Variants in CCL28 observed in about 807,000 individuals in gnomAD.
CCL28 encodes C-C motif chemokine 28.
A neutral mutation model predicts 7.1 loss-of-function variants in CCL28; 4 were observed. That is an observed-to-expected ratio of 0.56 (90% CI 0.28 to 1.29). CCL28 has a LOEUF of 1.29. Ranked by LOEUF, CCL28 falls within the 50% of genes most tolerant of loss-of-function variation. The pLI is 0.11. For synonymous variants in CCL28, 55 were observed against 57.8 expected (o/e 0.95, Z 0.22); for missense variants, 151 against 163.4 (o/e 0.92, Z 0.41).
the CCL28 span, among the ~76,000 whole-genome samples, chr5:43,357,007 G>T: frequency 6.6e-6 from 1 of 152,300 alleles, no homozygotes; most frequent in East Asian, 1.9e-4. Context: ...GCTCACCTCT[G>T]CAGGTTAGCT....
chr5:43,410,568 G>A (rs1338480084), intron 1 of CCL28, among the ~76,000 whole-genome samples: 1 of 152,074 alleles, frequency 6.6e-6, no homozygotes, highest in Admixed American at 6.6e-5. Context: ...GTCTCTACCA[G>A]GACTCAGTCC....
the CCL28 span, among the ~76,000 whole-genome samples, chr5:43,368,430 C>A: frequency 6.6e-6 from 1 of 152,162 alleles, no homozygotes; most frequent in Non-Finnish European, 1.5e-5. Context: ...GTTGGATGGT[C>A]ATGTGGCCAT....
chr5:43,406,941 G>T (rs1741305870), intron 1 of CCL28, among the ~76,000 whole-genome samples: 1 of 152,202 alleles, frequency 6.6e-6, no homozygotes, highest in African/African-American at 2.4e-5. Flanking sequence ...CAAGGGATGT[G>T]AAGGACCTCT....
Position 43,381,731 on chromosome 5 carries a change from A to AT in CCL28, c.*128dup. On this transcript the variant is annotated 3_prime_UTR_variant, in exon 3 of 3. Transcript: ENST00000361115. ...ACATTTGCATACCGCACAATTGTTC[A>AT]TTTTTTAAAAACCAATATTTTGTTT... is the stretch of plus-strand genomic sequence containing the variant. 1 of 789,162 alleles carries AT rather than the reference A, an allele frequency of 1.3e-6. No individual in the cohort carries two copies. Among genetic ancestry groups the AT allele is most frequent in the Non-Finnish European group, 2.1e-6 (1 of 483,150 alleles). 48.9% of individuals were successfully genotyped at this position (789,162 alleles called of 1,614,324 possible).
At chr5:43,388,201 G>T in intron 2 of CCL28, 149 bp downstream of exon 2, 3 of 921,240 alleles carry the variant, frequency 3.3e-6, no homozygotes, top group Non-Finnish European at 4.8e-6. Flanking sequence ...GGAGCCTGGG[G>T]CCTAATGGAC....
chr5:43,403,075 C>T (rs1311573634), intron 1 of CCL28, among the ~76,000 whole-genome samples: 3 of 152,222 alleles, frequency 2.0e-5, no homozygotes, highest in African/African-American at 4.8e-5. Flanking sequence ...GTAGACTCCA[C>T]CTCTGGGAAC....
intron 2 of CCL28, among the ~76,000 whole-genome samples, chr5:43,384,631 G>C (rs1740261203): frequency 6.6e-6 from 1 of 151,690 alleles, no homozygotes; most frequent in East Asian, 1.9e-4. Flanking sequence ...GAAATCCTGA[G>C]GCCAATCCCC....
intron 1 of CCL28, 24 bp from the exon 2 acceptor site, chr5:43,388,500 T>C: frequency 1.9e-6 from 3 of 1,610,482 alleles, no homozygotes; most frequent in Non-Finnish European, 1.7e-6. Flanking sequence ...AGAAAGAAAA[T>C]GTTAAATTTT....
chr5:43,380,334 T>G lies in CCL28; in HGVS notation c.*1526A>C, dbSNP rs1740058528. The G allele has an allele frequency of 6.6e-6, 1 of 152,182 alleles. No homozygotes were observed. The highest frequency in any genetic ancestry group is 2.4e-5 in the African/African-American group (1 of 41,450). 9.4% of individuals were successfully genotyped at this position (152,182 alleles called of 1,614,324 possible). A position where few individuals can be genotyped will look rare whatever the true frequency, so the allele number is the denominator to read the frequency against. Reference sequence around the variant, plus strand: ...TTGTTCTTTTCAGTATCAGAAAATTTCAATCCAAACAACGGTAGCTACTCA... The same window carrying G: ...TTGTTCTTTTCAGTATCAGAAAATTGCAATCCAAACAACGGTAGCTACTCA... On this transcript the variant is annotated 3_prime_UTR_variant, in exon 3 of 3. Transcript: ENST00000361115.
intron 1 of CCL28, among the ~76,000 whole-genome samples, chr5:43,410,316 C>T (rs1162156169): frequency 2.6e-5 from 4 of 152,200 alleles, no homozygotes; most frequent in Non-Finnish European, 5.9e-5. Flanking sequence ...TGTGGCGTTG[C>T]CCCTCTATTC....
At chr5:43,371,049 CTCTT>C in the CCL28 span, among the ~76,000 whole-genome samples, 57 of 152,124 alleles carry the variant, frequency 3.7e-4, no homozygotes, top group Non-Finnish European at 7.8e-4. Context: ...GCTTCTTTCT[CTCTT>C]TCTTTTCTCC....
At chr5:43,364,017 C>T in the CCL28 span, among the ~76,000 whole-genome samples, 2 of 152,186 alleles carry the variant, frequency 1.3e-5, no homozygotes, top group Non-Finnish European at 2.9e-5. Flanking sequence ...AAACAATAAC[C>T]TGCCATCAGA....
downstream of CCL28, among the ~76,000 whole-genome samples, chr5:43,375,927 C>T (rs1489650496): frequency 2.6e-5 from 4 of 151,980 alleles, no homozygotes; most frequent in East Asian, 1.9e-4. Flanking sequence ...GCCAACTACT[C>T]GGGAGGCTGA....
At chr5:43,410,428 C>T (rs1741488363) in intron 1 of CCL28, among the ~76,000 whole-genome samples, 1 of 152,220 alleles carries the variant, frequency 6.6e-6, no homozygotes, top group South Asian at 2.1e-4. Flanking sequence ...TTCCTGTGGC[C>T]TAAACTGCCT....
downstream of CCL28, among the ~76,000 whole-genome samples, chr5:43,377,755 C>T (rs1323682240): frequency 2.8e-4 from 6 of 21,304 alleles, no homozygotes; most frequent in African/African-American, 1.4e-3. Flanking sequence ...TTTTTTGAGA[C>T]GGAGTCTCGC....
chr5:43,406,016 A>T (rs1741261642), intron 1 of CCL28, among the ~76,000 whole-genome samples: 1 of 152,048 alleles, frequency 6.6e-6, no homozygotes, highest in African/African-American at 2.4e-5. Context: ...TAGCCTACCA[A>T]CCAAAAAAAG....
At chr5:43,376,230 G>T (rs568887327), downstream of CCL28, among the ~76,000 whole-genome samples, 3 of 152,266 alleles carry the variant, frequency 2.0e-5, no homozygotes, top group Admixed American at 1.3e-4. Context: ...GACTACATTG[G>T]TTTTCAATTT....
chr5:43,364,149 T>A, the CCL28 span, among the ~76,000 whole-genome samples: 1 of 152,198 alleles, frequency 6.6e-6, no homozygotes, highest in African/African-American at 2.4e-5. Flanking sequence ...AGTAAAGGAA[T>A]AAAGAATGGC....
the CCL28 span, among the ~76,000 whole-genome samples, chr5:43,363,547 GA>G: frequency 6.6e-6 from 1 of 152,200 alleles, no homozygotes; most frequent in Non-Finnish European, 1.5e-5. Flanking sequence ...ATCACTCACT[GA>G]AGTAGAAAGA....
Sources: gnomAD v4.1 joint callset for allele counts (sites outside exome capture counted in the v4.1 genomes callset) on GRCh38, gnomAD v4.1.1 for gene constraint, MANE v1.5 for transcripts, NCBI Gene and HGNC (gene_info 2026-07-23, HGNC 2026-07-21) for gene names.